CSMD3: variants seen among roughly 807,000 people sequenced by gnomAD.
CSMD3 encodes the protein CUB and sushi domain-containing protein 3.
Under a neutral mutation model 435.2 loss-of-function variants are expected in CSMD3, and 177 were observed. The ratio of observed to expected loss-of-function variants is 0.41; its 90% confidence interval spans 0.36 to 0.46. The LOEUF (loss-of-function observed/expected upper bound fraction) is 0.46. Ranked by LOEUF, CSMD3 falls within the 20% of genes least tolerant of loss-of-function variation. CSMD3 has a pLI of 0.34. For synonymous variants in CSMD3, 1,656 were observed against 1,520.5 expected (o/e 1.09, Z -2.07); for missense variants, 4,265 against 4,504.6 (o/e 0.95, Z 1.52).
intron 31 of CSMD3, among the ~76,000 whole-genome samples, chr8:112,478,022 A>C (rs990420277): frequency 6.6e-6 from 1 of 152,158 alleles, no homozygotes; most frequent in African/African-American, 2.4e-5. Flanking sequence ...TTTTAAAAAG[A>C]GGCGTTCCCC....
At position 112,223,129 on chromosome 8, in the gene CSMD3, ATT is replaced by A. The variant is rs895175274; in HGVS notation, c.*1640_*1641del. 2.0e-5 allele frequency: 8 copies of A among 398,362 alleles called. No homozygotes were observed. The Admixed American group carries it at 2.2e-4, about 11-fold the overall frequency. 24.7% of individuals were successfully genotyped at this position (398,362 alleles called of 1,614,324 possible). A position where few individuals can be genotyped will look rare whatever the true frequency, so the allele number is the denominator to read the frequency against. On this transcript the variant is annotated 3_prime_UTR_variant, in exon 71 of 71. Transcript: ENST00000297405. ...TAGCCTTAACATTAATGAATGAATC[ATT>A]GTTATTGCAGTCATTTGAATAAACA...
At chr8:113,261,075 A>G (rs957969484) in intron 3 of CSMD3, among the ~76,000 whole-genome samples, 3 of 152,048 alleles carry the variant, frequency 2.0e-5, no homozygotes, top group Non-Finnish European at 4.4e-5. Context: ...AAATCTCTGA[A>G]TCTTTACAGT....
intron 5 of CSMD3, among the ~76,000 whole-genome samples, chr8:113,089,303 C>T (rs2089920147): frequency 1.3e-5 from 2 of 152,114 alleles, no homozygotes; most frequent in South Asian, 4.1e-4. Flanking sequence ...CTGTTCTATG[C>T]CAAAGGGTGT....
intron 10 of CSMD3, among the ~76,000 whole-genome samples, chr8:112,883,101 A>T (rs532383348): frequency 6.6e-6 from 1 of 152,080 alleles, no homozygotes; most frequent in South Asian, 2.1e-4. Context: ...GATGTCCAGG[A>T]TAAAGGAGCA....
chr8:112,809,105 A>G (rs920358870), intron 12 of CSMD3, among the ~76,000 whole-genome samples: 6 of 152,156 alleles, frequency 3.9e-5, no homozygotes, highest in African/African-American at 1.4e-4. Context: ...AGACCTATGA[A>G]ATTCAGTCAG....
chr8:112,997,026 T>A (rs1432022127), intron 6 of CSMD3, among the ~76,000 whole-genome samples: 1 of 151,574 alleles, frequency 6.6e-6, no homozygotes, highest in African/African-American at 2.4e-5. Context: ...TTCAGGGTAC[T>A]GATTAGTGTC....
intron 13 of CSMD3, among the ~76,000 whole-genome samples, chr8:112,693,256 G>C (rs2076178073): frequency 1.3e-5 from 2 of 152,076 alleles, no homozygotes; most frequent in African/African-American, 4.8e-5. Flanking sequence ...AGATTAAACA[G>C]GAAGTAGTTG....
chr8:112,589,705 A>C (rs1241257648), intron 22 of CSMD3, among the ~76,000 whole-genome samples: 2 of 152,178 alleles, frequency 1.3e-5, no homozygotes, highest in African/African-American at 4.8e-5. Flanking sequence ...AGGAACTAGC[A>C]GCAGAACAGC....
intron 13 of CSMD3, among the ~76,000 whole-genome samples, chr8:112,720,194 T>C (rs942074755): frequency 1.3e-5 from 2 of 152,246 alleles, no homozygotes; most frequent in African/African-American, 4.8e-5. Context: ...CTTGCTATTC[T>C]TATAGTCTCT....
chr8:113,078,940 G>A (rs2089450638), intron 5 of CSMD3, among the ~76,000 whole-genome samples: 1 of 152,060 alleles, frequency 6.6e-6, no homozygotes, highest in African/African-American at 2.4e-5. Flanking sequence ...TAGTTAATAT[G>A]TACCTGATAA....
chr8:112,781,843 A>G (rs2078395831), intron 13 of CSMD3, among the ~76,000 whole-genome samples: 1 of 152,128 alleles, frequency 6.6e-6, no homozygotes, highest in African/African-American at 2.4e-5. Flanking sequence ...GTATCTCCAT[A>G]AGACTGCAAG....
intron 10 of CSMD3, among the ~76,000 whole-genome samples, chr8:112,894,662 A>G (rs2081898593): frequency 6.6e-6 from 1 of 151,330 alleles, no homozygotes. Context: ...ATTTTTAGTA[A>G]TCAAATACGC....
intron 13 of CSMD3, among the ~76,000 whole-genome samples, chr8:112,741,290 A>G (rs999130388): frequency 6.6e-6 from 1 of 151,980 alleles, no homozygotes; most frequent in Non-Finnish European, 1.5e-5. Context: ...GCAAATGGTA[A>G]GAGACTTAAC....
intron 64 of CSMD3, among the ~76,000 whole-genome samples, chr8:112,245,805 T>C (rs2130135035): frequency 6.6e-6 from 1 of 152,308 alleles, no homozygotes; most frequent in Non-Finnish European, 1.5e-5. Context: ...CCCAAAGTGC[T>C]AGGATTATAG....
rs867531287 is a variant in CSMD3 at position 112,327,415 on chromosome 8, G to T, written c.7166-7434C>A. ...ATGACCTAAATAAGTGAAATGAGGTGGACAAGGTCACACATTCAGCCACTG... is the reference window on the plus strand; with the variant it reads ...ATGACCTAAATAAGTGAAATGAGGTTGACAAGGTCACACATTCAGCCACTG... On this transcript the variant is annotated intron_variant, in intron 45 of 70. Transcript: ENST00000297405. Among the ~76,000 whole-genome samples, 25 of 152,132 alleles carry T rather than the reference G, an allele frequency of 1.6e-4. 1 individual carries two copies. The highest frequency in any genetic ancestry group is 7.2e-4 in the Admixed American group (11 of 15,274).
At chr8:113,142,137 G>C in intron 4 of CSMD3, among the ~76,000 whole-genome samples, 1 of 150,990 alleles carries the variant, frequency 6.6e-6, no homozygotes, top group Non-Finnish European at 1.5e-5. Context: ...CTAAGTAAAT[G>C]GAGAGGCTGT....
intron 10 of CSMD3, among the ~76,000 whole-genome samples, chr8:112,919,711 T>C (rs1320464361): frequency 6.6e-6 from 1 of 151,804 alleles, no homozygotes; most frequent in Non-Finnish European, 1.5e-5. Context: ...TCATCTTGAG[T>C]GAAGGACACA....
At chr8:113,354,327 G>A (rs1049591203) in intron 1 of CSMD3, among the ~76,000 whole-genome samples, 2 of 152,140 alleles carry the variant, frequency 1.3e-5, no homozygotes, top group African/African-American at 4.8e-5. Context: ...TAAAAAGTCA[G>A]TTACAGGAAA....
intron 7 of CSMD3, among the ~76,000 whole-genome samples, chr8:112,958,768 G>T (rs1473233185): frequency 6.6e-6 from 1 of 152,046 alleles, no homozygotes; most frequent in Non-Finnish European, 1.5e-5. Context: ...GATGAAACAG[G>T]CATTTGTCTT....
Sources: allele counts gnomAD v4.1 joint callset (sites outside exome capture counted in the v4.1 genomes callset), GRCh38; gene constraint gnomAD v4.1.1; transcripts MANE v1.5; gene names NCBI Gene and HGNC (gene_info 2026-07-23, HGNC 2026-07-21).